The following MLIP variants were observed in gnomAD, a reference collection of about 807,000 sequenced individuals.
MLIP encodes muscular LMNA-interacting protein.
Under a neutral mutation model 84.8 loss-of-function variants are expected in MLIP, and 79 were observed. The observed-to-expected ratio is 0.93, with a 90% CI of 0.78 to 1.12. The LOEUF (loss-of-function observed/expected upper bound fraction) is 1.12, where lower values mean the gene tolerates loss of function less well. MLIP is among the 50% of genes most tolerant of loss of function. The pLI is 0.00. For synonymous variants in MLIP, 504 were observed against 463.0 expected (o/e 1.09, Z -1.14); for missense variants, 1,257 against 1,160.6 (o/e 1.08, Z -1.21).
intron 5 of MLIP, among the ~76,000 whole-genome samples, chr6:54,150,662 A>G (rs1178516747): frequency 6.6e-6 from 1 of 152,170 alleles, no homozygotes; most frequent in Non-Finnish European, 1.5e-5. Context: ...TTCTGCTACT[A>G]TGTAAATTTC....
At chr6:54,161,261 GTAT>G (rs1261459115) in intron 8 of MLIP, among the ~76,000 whole-genome samples, 1 of 151,828 alleles carries the variant, frequency 6.6e-6, no homozygotes, top group African/African-American at 2.4e-5. Context: ...TTTAACGGAA[GTAT>G]TATTTCTAGA....
chr6:54,149,256 G>A (rs972533239), intron 5 of MLIP, 129 bp downstream of exon 5: 12 of 810,438 alleles, frequency 1.5e-5, no homozygotes, highest in Admixed American at 2.5e-5. Flanking sequence ...TCCATTCTTA[G>A]TTTAGGATGA....
At chr6:54,149,381 T>C (rs1582284383) in intron 5 of MLIP, among the ~76,000 whole-genome samples, 2 of 152,170 alleles carry the variant, frequency 1.3e-5, no homozygotes, top group East Asian at 3.9e-4. Context: ...GGAAACTTGA[T>C]TCAGATTTGG....
intron 11 of MLIP, among the ~76,000 whole-genome samples, chr6:54,213,627 G>C (rs57136553): frequency 6.7e-6 from 1 of 148,712 alleles, no homozygotes; most frequent in Non-Finnish European, 1.5e-5. Flanking sequence ...GCTTGAACCC[G>C]GGAGGTGGAG....
At chr6:54,169,611 G>A (rs757489791) in intron 9 of MLIP, 39 bp downstream of exon 9, 1 of 1,414,176 alleles carries the variant, frequency 7.1e-7, no homozygotes, top group Non-Finnish European at 9.7e-7. Context: ...CTTTTCAAAT[G>A]GGTGCCTGTG....
At chr6:54,261,868 C>A in intron 13 of MLIP, 1 of 378,060 alleles carries the variant, frequency 2.6e-6, no homozygotes, top group Non-Finnish European at 3.6e-6. Context: ...AGCTTTGATA[C>A]ATCTTGGATT....
chr6:54,078,691 C>CTTTTTTT (rs70980890), intron 1 of MLIP, among the ~76,000 whole-genome samples: 3 of 133,366 alleles, frequency 2.2e-5, no homozygotes, highest in African/African-American at 2.8e-5. Context: ...TTCTTTCTTT[C>CTTTTTTT]TTTTTTTTTT....
At chr6:54,204,557 T>G (rs1273436968) in intron 11 of MLIP, among the ~76,000 whole-genome samples, 1 of 152,184 alleles carries the variant, frequency 6.6e-6, no homozygotes, top group African/African-American at 2.4e-5. Flanking sequence ...TTCTTCTGTG[T>G]GAGTATAATT....
chr6:54,034,688 G>A (rs1001591217), intron 1 of MLIP, among the ~76,000 whole-genome samples: 4 of 151,950 alleles, frequency 2.6e-5, no homozygotes, highest in Non-Finnish European at 5.9e-5. Flanking sequence ...AATGTAAAAA[G>A]TACATAAAGT....
intron 1 of MLIP, chr6:54,046,991 T>C (rs1360830659): frequency 2.0e-5 from 3 of 152,188 alleles, no homozygotes; most frequent in Non-Finnish European, 4.4e-5. Context: ...GGAAATACAG[T>C]AATGAAACAG....
intron 1 of MLIP, among the ~76,000 whole-genome samples, chr6:54,072,230 C>A (rs1347961244): frequency 8.5e-5 from 13 of 152,158 alleles, no homozygotes; most frequent in African/African-American, 3.1e-4. Flanking sequence ...ATGATTTCAT[C>A]ACCCTTTCCC....
intron 12 of MLIP, among the ~76,000 whole-genome samples, chr6:54,252,613 G>T (rs2150879409): frequency 6.7e-6 from 1 of 149,904 alleles, no homozygotes; most frequent in South Asian, 2.1e-4. Flanking sequence ...ATGATAATAG[G>T]TAACCTCTGA....
At chr6:54,156,052 C>T (rs1773992099) in intron 5 of MLIP, among the ~76,000 whole-genome samples, 1 of 151,906 alleles carries the variant, frequency 6.6e-6, no homozygotes, top group Admixed American at 6.6e-5. Flanking sequence ...GAAACAATAT[C>T]TTCCTGCTGG....
chr6:54,104,603 T>C (rs1445716943), intron 1 of MLIP, among the ~76,000 whole-genome samples: 2 of 152,274 alleles, frequency 1.3e-5, no homozygotes, highest in African/African-American at 4.8e-5. Flanking sequence ...ACCACCTTCC[T>C]TCCTTGCTTT....
intron 5 of MLIP, among the ~76,000 whole-genome samples, chr6:54,157,656 T>C (rs1245660107): frequency 6.6e-6 from 1 of 152,010 alleles, no homozygotes; most frequent in East Asian, 1.9e-4. Flanking sequence ...TTATGTAACC[T>C]TCTATCCCTG....
intron 10 of MLIP, among the ~76,000 whole-genome samples, chr6:54,196,347 G>A (rs931941644): frequency 6.6e-5 from 10 of 151,814 alleles, no homozygotes; most frequent in Admixed American, 1.3e-4. Flanking sequence ...TTCCCTCCTC[G>A]CCCACAACAG....
At chr6:54,140,771 TCCCAAG>T (rs1453714045) in intron 4 of MLIP, among the ~76,000 whole-genome samples, 4 of 152,202 alleles carry the variant, frequency 2.6e-5, no homozygotes, top group Non-Finnish European at 4.4e-5. Context: ...ATAAATCTTA[TCCCAAG>T]CTCTTTTGAT....
At position 54,141,496 on chromosome 6, in the gene MLIP, G is replaced by A. The variant is rs916774050; in HGVS notation, c.2217+3210G>A. Among the ~76,000 whole-genome samples, 15 of 152,004 alleles carry A rather than the reference G, an allele frequency of 9.9e-5. No homozygotes were observed. The East Asian group carries it at 2.1e-3, about 22-fold the overall frequency. The stretch of plus-strand genomic sequence containing the variant: ...TAATTTTTGTATTTTTAGTAGAGAC[G>A]GGGTTTCACCATGTTGGCCAGGCTG... On this transcript the variant is annotated intron_variant, in intron 4 of 13. Coordinates refer to ENST00000502396, the MANE Select transcript of MLIP (RefSeq NM_001281747.2).
chr6:54,167,635 A>G (rs1412630224), intron 8 of MLIP, among the ~76,000 whole-genome samples: 1 of 151,856 alleles, frequency 6.6e-6, no homozygotes, highest in Non-Finnish European at 1.5e-5. Flanking sequence ...ATTGTATGCT[A>G]GATATCCTAT....
Sources: gnomAD v4.1 joint callset for allele counts (sites outside exome capture counted in the v4.1 genomes callset) on GRCh38, gnomAD v4.1.1 for gene constraint, MANE v1.5 for transcripts, NCBI Gene and HGNC (gene_info 2026-07-23, HGNC 2026-07-21) for gene names.